The following ST3GAL4 variants were observed in gnomAD, a reference collection of about 807,000 sequenced individuals.
ST3GAL4 encodes ST3 beta-galactoside alpha-2,3-sialyltransferase 4.
ST3GAL4 carries 24 observed loss-of-function variants against 42.6 expected under a neutral mutation model. The ratio of observed to expected loss-of-function variants is 0.56; its 90% CI spans 0.41 to 0.79. ST3GAL4 has a LOEUF of 0.79. ST3GAL4 is among the 30% of genes least tolerant of loss of function. The pLI, the probability that ST3GAL4 is intolerant of heterozygous loss-of-function variation, is 0.00. For missense variants in ST3GAL4, 311 were observed against 430.8 expected (o/e 0.72, Z 2.46); for synonymous variants, 135 against 163.2 (o/e 0.83, Z 1.32).
At chr11:126,408,035 A>T in intron 6 of ST3GAL4, 64 bp from the exon 7 acceptor site, 1 of 1,551,230 alleles carries the variant, frequency 6.4e-7, no homozygotes, top group South Asian at 1.2e-5. Flanking sequence ...GCCCAGGCAG[A>T]TCCAGGGCAG....
chr11:126,401,128 T>C (rs532549513), intron 1 of ST3GAL4, among the ~76,000 whole-genome samples: 1 of 151,970 alleles, frequency 6.6e-6, no homozygotes, highest in Admixed American at 6.6e-5. Context: ...GGATGGAGTG[T>C]GGAAGAGAAA....
At chr11:126,394,520 G>A (rs909764521) in intron 1 of ST3GAL4, among the ~76,000 whole-genome samples, 6 of 152,102 alleles carry the variant, frequency 3.9e-5, no homozygotes, top group African/African-American at 9.7e-5. Context: ...CACCTCCCGG[G>A]CTCAAGTGAT....
chr11:126,406,843 C>A lies in ST3GAL4; in HGVS notation c.102-100C>A. 1.7e-6 allele frequency: 2 copies of A among 1,150,454 alleles called. No homozygotes were observed. Among genetic ancestry groups the A allele is most frequent in the Non-Finnish European group, 1.3e-6 (1 of 775,308 alleles). 71.3% of individuals were successfully genotyped at this position (1,150,454 alleles called of 1,614,324 possible). On this transcript the variant is annotated intron_variant, in intron 3 of 10. Coordinates refer to ENST00000444328, the MANE Select transcript of ST3GAL4 (RefSeq NM_001254757.2). The surrounding 1 kb of genome is among the most constrained non-coding windows in gnomAD (Gnocchi z 5.4). ...AACTTGAGATGATTCCTCCCCGGCACCTTGGGACCTTCATGCCGTGGGAGA... is the reference window on the plus strand; with the variant it reads ...AACTTGAGATGATTCCTCCCCGGCAACTTGGGACCTTCATGCCGTGGGAGA...
chr11:126,404,742 G>C (rs1954153356), intron 1 of ST3GAL4, among the ~76,000 whole-genome samples: 1 of 152,224 alleles, frequency 6.6e-6, no homozygotes, highest in Non-Finnish European at 1.5e-5. Context: ...TGGTGCTTCT[G>C]ACTCTCCTGA....
Position 126,413,636 on chromosome 11 carries a change from C to A in ST3GAL4, c.903C>A (p.Leu301=), listed in dbSNP as rs1954625123. 5.0e-6 allele frequency: 8 copies of A among 1,614,218 alleles called. No homozygotes were observed. The highest frequency in any genetic ancestry group is 6.8e-6 in the Non-Finnish European group (8 of 1,180,040). ...TTCACTACTATGAGCAGATCACGCT[C>A]AAGTCCATGGCGGTAAGTGCCTGGC... is the stretch of plus-strand genomic sequence containing the variant. The part of the protein sequence containing the change: ...QTIHYYEQIT[L]KSMAGSGHNV... Residue 301 remains leucine (L), a synonymous_variant, in exon 10 of 11, where the codon CTC becomes CTA. Transcript: ENST00000444328.
intron 9 of ST3GAL4, among the ~76,000 whole-genome samples, chr11:126,413,017 C>T (rs1441055104): frequency 1.3e-5 from 2 of 152,236 alleles, no homozygotes; most frequent in Non-Finnish European, 2.9e-5. Flanking sequence ...CTACAGGCCC[C>T]AGGCCTCCCC....
intron 1 of ST3GAL4, chr11:126,374,919 C>T (rs1413539927): frequency 2.0e-5 from 3 of 152,014 alleles, no homozygotes; most frequent in Non-Finnish European, 4.4e-5. Flanking sequence ...ACGTCAAATG[C>T]ACAGTCCAGC....
At chr11:126,385,395 T>A (rs1303810264) in intron 1 of ST3GAL4, among the ~76,000 whole-genome samples, 1 of 151,766 alleles carries the variant, frequency 6.6e-6, no homozygotes, top group Non-Finnish European at 1.5e-5. Flanking sequence ...CTCATGATCC[T>A]CCCACCTCGG....
intron 1 of ST3GAL4, among the ~76,000 whole-genome samples, chr11:126,385,224 G>A (rs556321050): frequency 2.6e-5 from 4 of 151,428 alleles, no homozygotes; most frequent in African/African-American, 7.3e-5. Context: ...TGGCGATCTC[G>A]GCTCACTGCG....
intron 1 of ST3GAL4, among the ~76,000 whole-genome samples, chr11:126,381,323 G>A (rs1031981942): frequency 6.6e-6 from 1 of 152,194 alleles, no homozygotes; most frequent in African/African-American, 2.4e-5. Flanking sequence ...AACCCTGCAG[G>A]ATGGAGAAAA....
At chr11:126,388,690 C>T (rs1310712381) in intron 1 of ST3GAL4, among the ~76,000 whole-genome samples, 5 of 96,690 alleles carry the variant, frequency 5.2e-5, no homozygotes, top group African/African-American at 1.4e-4. Flanking sequence ...TTCTGATTTA[C>T]GTGAGCACAT....
chr11:126,399,562 C>T (rs147800552), intron 1 of ST3GAL4, among the ~76,000 whole-genome samples: 5,105 of 152,170 alleles, frequency 0.034, 291 homozygotes, highest in African/African-American at 0.12. Context: ...CCGCCTCAGC[C>T]TCCCAAAGTG....
In ST3GAL4 at chr11:126,392,455, C is replaced by A; in HGVS notation, c.-60-13641C>A. The A allele has an allele frequency of 1.2e-6, 1 of 854,598 alleles. No individual in the cohort carries two copies. Among genetic ancestry groups the A allele is most frequent in the Non-Finnish European group, 1.4e-6 (1 of 710,312 alleles). The allele number at this position is 854,598 out of a possible 1,614,324, so 52.9% of individuals were successfully genotyped here. On this transcript the variant is annotated intron_variant, in intron 1 of 10. Transcript: ENST00000444328. This position sits in a 1 kb window ranked among gnomAD's most constrained non-coding sequence, Gnocchi z 5.8. ...AGGTCCTTGTGAGCTCATCGACATG[C>A]ATTTGGCAGAAAGTGCGCTGGCTCT...
chr11:126,406,861 G>A lies in ST3GAL4; in HGVS notation c.102-82G>A, dbSNP rs918686949. 4.8e-5 allele frequency: 62 copies of A among 1,302,276 alleles called. No homozygotes were observed. The highest frequency in any genetic ancestry group is 4.6e-5 in the East Asian group (2 of 43,388). 80.7% of individuals were successfully genotyped at this position (1,302,276 alleles called of 1,614,324 possible). ...CCCGGCACCTTGGGACCTTCATGCC[G>A]TGGGAGAAGGCTTAGGCTGCCTGGA... On this transcript the variant is annotated intron_variant, in intron 3 of 10. Transcript: ENST00000444328. The surrounding 1 kb of genome is among the most constrained non-coding windows in gnomAD (Gnocchi z 5.4).
At chr11:126,402,822 AC>A (rs1171338218) in intron 1 of ST3GAL4, among the ~76,000 whole-genome samples, 1 of 152,152 alleles carries the variant, frequency 6.6e-6, no homozygotes, top group Non-Finnish European at 1.5e-5. Flanking sequence ...GGCAGAACTG[AC>A]CAGCTCCCTT....
Position 126,406,496 on chromosome 11 carries a change from G to C in ST3GAL4, c.40G>C (p.Ala14Pro). The C allele has an allele frequency of 6.2e-7, 1 of 1,614,202 alleles. No individual in the cohort carries two copies. The highest frequency in any genetic ancestry group is 8.5e-7 in the Non-Finnish European group (1 of 1,180,026). Reference protein sequence around the residue: ...KSRWKLLAMLALVLVVMVWYS... With the variant: ...KSRWKLLAMLPLVLVVMVWYS... ...AGGCTGGAAGCTCCTGGCCATGTTG[G>C]CTCTGGTCCTGGTCGTCATGGTGTG... Residue 14 changes from alanine (A) to proline (P), a missense_variant, in exon 3 of 11, where the codon GCT becomes CCT. Ala to Pro is a conservative substitution (Grantham distance 27). Transcript: ENST00000444328. The surrounding 1 kb of genome is among the most constrained non-coding windows in gnomAD (Gnocchi z 5.4).
At chr11:126,367,639 A>G (rs1366409670) in intron 1 of ST3GAL4, among the ~76,000 whole-genome samples, 1 of 152,058 alleles carries the variant, frequency 6.6e-6, no homozygotes, top group Non-Finnish European at 1.5e-5. Flanking sequence ...TGCTGCTGTT[A>G]CCCCCATTTA....
rs1954237072 is a variant in ST3GAL4 at position 126,406,480 on chromosome 11, G to A, written c.24G>A (p.Lys8=). The part of the protein sequence containing the change: MVSKSRW[K]LLAMLALVLV... ...TCTGCATGTGTCCTGCAGGCTGGAA[G>A]CTCCTGGCCATGTTGGCTCTGGTCC... is the stretch of plus-strand genomic sequence containing the variant. Residue 8 remains lysine, a synonymous_variant, in exon 3 of 11, where the codon AAG becomes AAA. Transcript: ENST00000444328. The surrounding 1 kb of genome is among the most constrained non-coding windows in gnomAD (Gnocchi z 5.4). 1 of 1,614,124 alleles carries A rather than the reference G, an allele frequency of 6.2e-7. No homozygotes were observed. The highest frequency in any genetic ancestry group is 8.5e-7 in the Non-Finnish European group (1 of 1,180,046).
chr11:126,385,718 AAGTG>A (rs1018406448), intron 1 of ST3GAL4, among the ~76,000 whole-genome samples: 20 of 152,120 alleles, frequency 1.3e-4, no homozygotes, highest in Non-Finnish European at 4.4e-5. Flanking sequence ...GATGATTTAA[AAGTG>A]AATTCAGGAC....
Sources: gnomAD v4.1 joint callset for allele counts (sites outside exome capture counted in the v4.1 genomes callset) on GRCh38, gnomAD v4.1.1 for gene constraint, Gnocchi (gnomAD v3.1) non-coding constraint, MANE v1.5 for transcripts, NCBI Gene and HGNC (gene_info 2026-07-23, HGNC 2026-07-21) for gene names.